The following OPHN1 variants were observed in gnomAD, a reference collection of about 807,000 sequenced individuals.
The protein encoded by OPHN1 is oligophrenin 1, also known as oligophrenin-1.
Under a neutral mutation model 60.7 loss-of-function variants are expected in OPHN1, and 11 were observed. That is an observed-to-expected ratio of 0.18 (90% CI 0.11 to 0.30). The LOEUF is 0.30. Among genes scored for constraint, OPHN1 ranks in the 10% least tolerant of loss-of-function variants. The pLI is 1.00. For missense variants in OPHN1, 449 were observed against 611.0 expected (o/e 0.73, Z 2.80); for synonymous variants, 226 against 222.6 (o/e 1.02, Z -0.14).
intron 15 of OPHN1, among the ~76,000 whole-genome samples, chrX:68,145,425 T>C (rs2077259809): frequency 8.9e-6 from 1 of 111,872 alleles, no homozygotes; most frequent in East Asian, 2.8e-4. Flanking sequence ...CAGCAGAGGT[T>C]GTTCAAAATG....
At chrX:68,094,171 C>T (rs1205451404) in intron 19 of OPHN1, among the ~76,000 whole-genome samples, 1 of 110,739 alleles carries the variant, frequency 9.0e-6, no homozygotes, top group African/African-American at 3.3e-5. Flanking sequence ...ACCCTCTCTC[C>T]CTTGAAATGC....
At chrX:68,057,389 T>C (rs754970182) in intron 21 of OPHN1, among the ~76,000 whole-genome samples, 2 of 110,995 alleles carry the variant, frequency 1.8e-5, no homozygotes, top group East Asian at 5.7e-4. Flanking sequence ...GAGCTGAGAG[T>C]GCTGCCCCAT....
chrX:68,370,908 C>CA (rs1359310729), intron 2 of OPHN1, among the ~76,000 whole-genome samples: 1 of 110,816 alleles, frequency 9.0e-6, no homozygotes, highest in Non-Finnish European at 1.9e-5. Context: ...CGGTCCACTA[C>CA]AAAAAAATCA....
intron 5 of OPHN1, among the ~76,000 whole-genome samples, chrX:68,252,412 C>T (rs922174944): frequency 1.8e-5 from 2 of 111,873 alleles, no homozygotes; most frequent in Non-Finnish European, 3.8e-5. Flanking sequence ...CAAATTAAAT[C>T]GCCATACATA....
chrX:68,344,622 C>T (rs1334065284), intron 2 of OPHN1, among the ~76,000 whole-genome samples: 1 of 110,819 alleles, frequency 9.0e-6, no homozygotes, highest in African/African-American at 3.3e-5. Flanking sequence ...CACCTGTAAT[C>T]CCAGCACTTT....
At chrX:68,286,137 G>A (rs1476620431) in intron 3 of OPHN1, among the ~76,000 whole-genome samples, 1 of 110,764 alleles carries the variant, frequency 9.0e-6, no homozygotes, top group Non-Finnish European at 1.9e-5. Flanking sequence ...TAAATAGTGT[G>A]GCAACTTTGG....
chrX:68,153,069 G>A (rs890413824), intron 15 of OPHN1, among the ~76,000 whole-genome samples: 8 of 108,510 alleles, frequency 7.4e-5, no homozygotes, highest in Admixed American at 4.0e-4. Context: ...AAACCAGCTG[G>A]GTGTGGTGGC....
chrX:68,301,432 C>A (rs1012948086), intron 2 of OPHN1, among the ~76,000 whole-genome samples: 2 of 78,867 alleles, frequency 2.5e-5, no homozygotes, highest in African/African-American at 5.9e-5. Context: ...GGTGCCAGAG[C>A]GAGACTCCAT....
chrX:68,255,656 ACAG>A (rs768436466), intron 5 of OPHN1, among the ~76,000 whole-genome samples: 17 of 110,114 alleles, frequency 1.5e-4, no homozygotes, highest in Non-Finnish European at 3.2e-4. Flanking sequence ...AGCCTGCCCT[ACAG>A]ATTTTGAACT....
At chrX:68,063,338 T>A (rs1255113946) in intron 21 of OPHN1, among the ~76,000 whole-genome samples, 1 of 110,596 alleles carries the variant, frequency 9.0e-6, no homozygotes, top group Non-Finnish European at 1.9e-5. Flanking sequence ...CTGGCTAACA[T>A]GGCAAAACCC....
intron 2 of OPHN1, among the ~76,000 whole-genome samples, chrX:68,387,908 A>C (rs749160987): frequency 9.0e-6 from 1 of 111,002 alleles, no homozygotes; most frequent in Non-Finnish European, 1.9e-5. Context: ...GCTTTACAGA[A>C]GAGATTTGAG....
intron 2 of OPHN1, among the ~76,000 whole-genome samples, chrX:68,379,464 A>G (rs2078582221): frequency 9.5e-6 from 1 of 104,951 alleles, no homozygotes; most frequent in South Asian, 4.6e-4. Flanking sequence ...TTCCAACACT[A>G]TGTTGAATAG....
At chrX:68,164,216 C>G (rs189002322) in intron 15 of OPHN1, among the ~76,000 whole-genome samples, 36 of 112,024 alleles carry the variant, frequency 3.2e-4, no homozygotes, top group African/African-American at 1.1e-3. Flanking sequence ...CCATGAATCA[C>G]AAATGTTCTT....
rs1414362370 is a variant in OPHN1 at position 68,193,004 on chromosome X, A to G, written c.1202-11T>C. The G allele has an allele frequency of 1.7e-6, 2 of 1,187,130 alleles. No homozygotes were observed. The highest frequency in any genetic ancestry group is 2.3e-6 in the Non-Finnish European group (2 of 874,597). ...CTTCTGTCTTGATCCCTAGTGGAGGAAAAAATCAGGTTAATTTCACTTGTA... is the reference window on the plus strand; with the variant it reads ...CTTCTGTCTTGATCCCTAGTGGAGGGAAAAATCAGGTTAATTTCACTTGTA... On this transcript the variant is annotated splice_polypyrimidine_tract_variant and intron_variant, in intron 14 of 24. Coordinates refer to ENST00000355520, the MANE Select transcript of OPHN1 (RefSeq NM_002547.3).
intron 2 of OPHN1, among the ~76,000 whole-genome samples, chrX:68,330,722 GA>G (rs952826549): frequency 9.7e-5 from 10 of 103,245 alleles, no homozygotes; most frequent in South Asian, 4.1e-4. Flanking sequence ...ATGCTAAGTG[GA>G]AAAAAAAACA....
chrX:68,149,016 CACAAA>C (rs2077274848), intron 15 of OPHN1, among the ~76,000 whole-genome samples: 1 of 110,682 alleles, frequency 9.0e-6, no homozygotes, highest in South Asian at 3.9e-4. Flanking sequence ...TTTCATGGCC[CACAAA>C]ACAAAAGTAC....
chrX:68,081,919 G>A (rs998047716), intron 19 of OPHN1, among the ~76,000 whole-genome samples: 1 of 111,945 alleles, frequency 8.9e-6, no homozygotes, highest in Admixed American at 9.4e-5. Context: ...TTCAAAATTG[G>A]AGTCACTCCT....
At chrX:68,187,675 T>G (rs1456170924) in intron 15 of OPHN1, among the ~76,000 whole-genome samples, 1 of 111,131 alleles carries the variant, frequency 9.0e-6, no homozygotes, top group Non-Finnish European at 1.9e-5. Flanking sequence ...TCGCCCAGGC[T>G]GGAGTGCAGT....
At chrX:68,048,847 T>C (rs1319928225) in intron 23 of OPHN1, among the ~76,000 whole-genome samples, 1 of 111,788 alleles carries the variant, frequency 8.9e-6, no homozygotes, top group Non-Finnish European at 1.9e-5. Context: ...AAACCAACCT[T>C]GTCCAGCCTC....
Sources: allele counts gnomAD v4.1 joint callset (sites outside exome capture counted in the v4.1 genomes callset), GRCh38; gene constraint gnomAD v4.1.1; transcripts MANE v1.5; gene names NCBI Gene and HGNC (gene_info 2026-07-23, HGNC 2026-07-21).